Variants in TNRC6A observed in about 807,000 individuals in gnomAD.
The protein encoded by TNRC6A is trinucleotide repeat-containing gene 6A protein.
Under a neutral mutation model 221.2 loss-of-function variants are expected in TNRC6A, and 44 were observed. The ratio of observed to expected loss-of-function variants is 0.20; its 90% CI spans 0.16 to 0.26. TNRC6A has a LOEUF of 0.26. Ranked by LOEUF, TNRC6A falls within the 10% of genes least tolerant of loss-of-function variation. TNRC6A has a pLI of 1.00. For missense variants in TNRC6A, 2,199 were observed against 2,404.4 expected, an observed-to-expected ratio of 0.91 and a Z score of 1.79; for synonymous variants, 847 against 838.5, an observed-to-expected ratio of 1.01 and a Z score of -0.18.
Position 24,824,385 on chromosome 16 carries a change from A to G in TNRC6A, c.*578A>G, listed in dbSNP as rs1001166125. The G allele has an allele frequency of 6.6e-6, 1 of 152,468 alleles. No individual in the cohort carries two copies. The highest frequency in any genetic ancestry group is 1.5e-5 in the Non-Finnish European group (1 of 67,996). The allele number at this position is 152,468 out of a possible 1,614,324, so 9.4% of individuals were successfully genotyped here. Reference sequence around the variant, plus strand: ...GGATGCTGACTTAGGATTATTAATGAAAGTGTTGCACCAGTTTTTTCATGT... The same window carrying G: ...GGATGCTGACTTAGGATTATTAATGGAAGTGTTGCACCAGTTTTTTCATGT... On this transcript the variant is annotated 3_prime_UTR_variant, in exon 25 of 25. Coordinates refer to ENST00000395799, the MANE Select transcript of TNRC6A (RefSeq NM_014494.4).
rs576408519 is a variant in TNRC6A at position 24,824,237 on chromosome 16, T to TG, written c.*436dup. 1 of 151,770 alleles carries TG rather than the reference T, an allele frequency of 6.6e-6. No homozygotes were observed. The highest frequency in any genetic ancestry group is 1.5e-5 in the Non-Finnish European group (1 of 68,240). The allele number at this position is 151,770 out of a possible 1,614,324, so 9.4% of individuals were successfully genotyped here. On this transcript the variant is annotated 3_prime_UTR_variant, in exon 25 of 25. Transcript: ENST00000395799. ...TGTTCTCTCCGTCTCATCGGCAGTA[T>TG]GGGGGGCAGCTGTCCCAGTGTCAAT...
intron 2 of TNRC6A, among the ~76,000 whole-genome samples, chr16:24,677,201 T>G (rs2055437677): frequency 6.6e-6 from 1 of 151,114 alleles, no homozygotes; most frequent in South Asian, 2.1e-4. Context: ...CTCGCTCTGT[T>G]GCCCAGGCTG....
At chr16:24,652,530 T>C (rs1364218993) in intron 2 of TNRC6A, among the ~76,000 whole-genome samples, 3 of 152,312 alleles carry the variant, frequency 2.0e-5, no homozygotes, top group East Asian at 1.9e-4. Flanking sequence ...TCAGCACCGA[T>C]TGGCATCCAA....
chr16:24,679,737 A>G (rs1174128717), intron 2 of TNRC6A, among the ~76,000 whole-genome samples: 9 of 152,006 alleles, frequency 5.9e-5, no homozygotes, highest in Non-Finnish European at 1.3e-4. Flanking sequence ...TCGGCCTCCC[A>G]AAGTGCTAGG....
intron 11 of TNRC6A, among the ~76,000 whole-genome samples, chr16:24,799,528 A>T (rs1402144146): frequency 6.6e-6 from 1 of 152,216 alleles, no homozygotes; most frequent in Non-Finnish European, 1.5e-5. Flanking sequence ...CACCCCAGAA[A>T]TTCAGTCACA....
At chr16:24,772,690 T>C (rs2057637305) in intron 4 of TNRC6A, among the ~76,000 whole-genome samples, 1 of 151,862 alleles carries the variant, frequency 6.6e-6, no homozygotes, top group Admixed American at 6.6e-5. Flanking sequence ...GGCTGAGGCA[T>C]GAGAATCACT....
At chr16:24,786,448 G>A (rs1479108426) in intron 5 of TNRC6A, among the ~76,000 whole-genome samples, 1 of 151,684 alleles carries the variant, frequency 6.6e-6, no homozygotes, top group Admixed American at 6.6e-5. Flanking sequence ...TCAGCCTCCC[G>A]AGTAGCTGGG....
intron 4 of TNRC6A, among the ~76,000 whole-genome samples, chr16:24,766,835 C>T (rs2057484797): frequency 6.6e-6 from 1 of 152,136 alleles, no homozygotes; most frequent in South Asian, 2.1e-4. Context: ...TGCCACCACA[C>T]CCAGCTAATT....
chr16:24,669,703 C>G (rs1434791778), intron 2 of TNRC6A, among the ~76,000 whole-genome samples: 1 of 151,998 alleles, frequency 6.6e-6, no homozygotes, highest in Admixed American at 6.6e-5. Flanking sequence ...GCCAGTGATT[C>G]ATCATCCTGT....
chr16:24,736,154 A>T (rs962664369), intron 2 of TNRC6A, among the ~76,000 whole-genome samples: 1 of 152,242 alleles, frequency 6.6e-6, no homozygotes, highest in Non-Finnish European at 1.5e-5. Flanking sequence ...TGGGCACAAA[A>T]GCAAAACTCT....
Position 24,804,714 on chromosome 16 carries a change from G to A in TNRC6A, c.3847G>A (p.Val1283Ile). Residue 1283 changes from valine (V) to isoleucine (I), a missense_variant, in exon 13 of 25, where the codon GTA becomes ATA. By Grantham distance (29) the Val-to-Ile change is conservative. This residue lies in a region of TNRC6A where 158 missense variants were observed against 159.1 expected (regional missense o/e 0.99). Coordinates refer to ENST00000395799, the MANE Select transcript of TNRC6A (RefSeq NM_014494.4). The stretch of plus-strand genomic sequence containing the variant: ...CTGTCTGTCCAATCAGGATGGCATT[G>A]TAGCAGATGAATCCCAAAACATGCA... ...RNPYFDKDGI[V>I]ADESQNMQFM... The A allele has an allele frequency of 6.3e-7, 1 of 1,591,386 alleles. No homozygotes were observed. The highest frequency in any genetic ancestry group is 8.5e-7 in the Non-Finnish European group (1 of 1,174,292).
At chr16:24,744,754 C>G (rs1476816322) in intron 2 of TNRC6A, among the ~76,000 whole-genome samples, 2 of 152,186 alleles carry the variant, frequency 1.3e-5, no homozygotes, top group East Asian at 1.9e-4. Flanking sequence ...ATTGCTGCCA[C>G]TCTGTCTGTT....
chr16:24,612,714 T>C (rs1900117062), intron 1 of TNRC6A, among the ~76,000 whole-genome samples: 1 of 151,840 alleles, frequency 6.6e-6, no homozygotes, highest in South Asian at 2.1e-4. Context: ...GCCACTGCAC[T>C]CAGCCTGGGT....
chr16:24,626,796 C>G lies in TNRC6A; in HGVS notation n.277-14088C>G, dbSNP rs180959121. Among the ~76,000 whole-genome samples, 882 of 151,520 alleles carry G rather than the reference C, an allele frequency of 5.8e-3. 6 individuals carry two copies. Among genetic ancestry groups the G allele is most frequent in the African/African-American group, 0.021 (848 of 41,348 alleles). ...TCCTGAGTAGCTGGGATTACAGGCA[C>G]CCACCACCACGCCCGGCTAATTTTT... On this transcript the variant is annotated intron_variant and non_coding_transcript_variant, in intron 1 of 2. Transcript: ENST00000566108.
chr16:24,729,697 C>G lies in TNRC6A; in HGVS notation c.-145C>G, dbSNP rs1422881069. 32 of 967,326 alleles carry G rather than the reference C, an allele frequency of 3.3e-5. No individual in the cohort carries two copies. Among genetic ancestry groups the G allele is most frequent in the Non-Finnish European group, 4.2e-5 (31 of 737,634 alleles). 59.9% of individuals were successfully genotyped at this position (967,326 alleles called of 1,614,324 possible). ...GCGGCGGCGGTGTCGGCGGCGGCGG[C>G]GGCGGCGGCGGCGGCGGCGGCAGCG... On this transcript the variant is annotated 5_prime_UTR_variant, in exon 1 of 25. Transcript: ENST00000395799.
intron 2 of TNRC6A, among the ~76,000 whole-genome samples, chr16:24,717,955 T>A (rs1352993845): frequency 2.0e-5 from 3 of 151,844 alleles, no homozygotes; most frequent in Admixed American, 6.6e-5. Flanking sequence ...TTTTTAGTAT[T>A]TTTAGTAGAG....
chr16:24,701,569 G>A (rs2055977009), intron 2 of TNRC6A, among the ~76,000 whole-genome samples: 1 of 106,328 alleles, frequency 9.4e-6, no homozygotes, highest in African/African-American at 5.7e-5. Context: ...GTTTCACCAT[G>A]TTGGTCAGGC....
At chr16:24,648,789 T>C (rs1013456049) in intron 2 of TNRC6A, among the ~76,000 whole-genome samples, 1 of 152,204 alleles carries the variant, frequency 6.6e-6, no homozygotes, top group African/African-American at 2.4e-5. Context: ...CTTTCTTGAA[T>C]GTGGAGAAAA....
intron 2 of TNRC6A, among the ~76,000 whole-genome samples, chr16:24,648,742 A>G (rs1261578791): frequency 6.6e-6 from 1 of 152,184 alleles, no homozygotes; most frequent in East Asian, 1.9e-4. Flanking sequence ...CCTAGTGTCA[A>G]GGGATGTTGA....
Sources: gnomAD v4.1 joint callset for allele counts (sites outside exome capture counted in the v4.1 genomes callset) on GRCh38, gnomAD v4.1.1 for gene constraint, gnomAD v4.1.1 regional missense constraint, MANE v1.5 for transcripts, NCBI Gene and HGNC (gene_info 2026-07-23, HGNC 2026-07-21) for gene names.